The following KIAA0825 variants were observed in gnomAD, a reference collection of about 807,000 sequenced individuals.
KIAA0825 encodes the protein KIAA0825.
Under a neutral mutation model 147.6 loss-of-function variants are expected in KIAA0825, and 119 were observed. The observed-to-expected ratio is 0.81, with a 90% CI of 0.69 to 0.94. The LOEUF is 0.94. Ranked by LOEUF, KIAA0825 falls within the 40% of genes least tolerant of loss-of-function variation. KIAA0825 has a pLI of 0.00. For synonymous variants in KIAA0825, 470 were observed against 518.1 expected (o/e 0.91, Z 1.26); for missense variants, 1,381 against 1,472.7 (o/e 0.94, Z 1.02).
chr5:94,164,217 G>A (rs1251670167), intron 20 of KIAA0825, among the ~76,000 whole-genome samples: 1 of 151,926 alleles, frequency 6.6e-6, no homozygotes, highest in East Asian at 1.9e-4. Flanking sequence ...AAGTTTATAT[G>A]GAACCACAAA....
intron 2 of KIAA0825, chr5:94,568,596 C>G (rs935555175): frequency 1.3e-5 from 2 of 152,398 alleles, no homozygotes; most frequent in African/African-American, 4.8e-5. Flanking sequence ...TTAAAACTCA[C>G]AGCCCTAGGC....
chr5:94,537,505 G>C (rs150704509), intron 2 of KIAA0825, among the ~76,000 whole-genome samples: 4 of 152,094 alleles, frequency 2.6e-5, no homozygotes, highest in African/African-American at 9.7e-5. Flanking sequence ...CAAAAAACTA[G>C]TCAGGCGTGA....
intron 2 of KIAA0825, among the ~76,000 whole-genome samples, chr5:94,557,982 A>T (rs1256222331): frequency 6.6e-6 from 1 of 152,170 alleles, no homozygotes; most frequent in Non-Finnish European, 1.5e-5. Context: ...CTCCTGATCC[A>T]GGGAGGCGCC....
intron 20 of KIAA0825, among the ~76,000 whole-genome samples, chr5:94,334,694 G>A (rs1286648263): frequency 1.3e-5 from 2 of 152,024 alleles, no homozygotes; most frequent in African/African-American, 2.4e-5. Flanking sequence ...ATGTTGGCCC[G>A]GTTGGTATTG....
Position 94,471,700 on chromosome 5 carries a change from G to C in KIAA0825, c.1487C>G (p.Thr496Arg), listed in dbSNP as rs1157981827. The change falls in exon 9 of 21, where the codon ACA (threonine) becomes AGA (arginine). Residue 496 changes from threonine (T) to arginine (R), a missense_variant. Transcript: ENST00000682413. ...GCATGCCAGAGCCAGTGGAAGCATT[G>C]TGTCAAGTTTTTCCATGATGTCAGA... ...FCSDIMEKLD[T>R]MLPLALACRD... The C allele has an allele frequency of 6.4e-7, 1 of 1,552,356 alleles. No individual in the cohort carries two copies.
chr5:94,227,406 G>A (rs571705068), intron 20 of KIAA0825, among the ~76,000 whole-genome samples: 23 of 151,906 alleles, frequency 1.5e-4, no homozygotes, highest in African/African-American at 4.8e-4. Flanking sequence ...GTGGGGTGGG[G>A]GAAGTGGGGA....
chr5:94,234,763 T>C (rs1774948065), intron 20 of KIAA0825, among the ~76,000 whole-genome samples: 1 of 152,184 alleles, frequency 6.6e-6, no homozygotes, highest in Non-Finnish European at 1.5e-5. Flanking sequence ...AAGGAATTCA[T>C]GAGGGATCCA....
intron 20 of KIAA0825, among the ~76,000 whole-genome samples, chr5:94,185,410 T>G (rs1770032175): frequency 6.6e-6 from 1 of 152,242 alleles, no homozygotes; most frequent in Non-Finnish European, 1.5e-5. Flanking sequence ...TATGCATTGA[T>G]TTAAGTGCTT....
In KIAA0825 at chr5:94,481,544, T is replaced by C. The variant is rs144299703; in HGVS notation, c.1132+3225A>G. Among the ~76,000 whole-genome samples the C allele has an allele frequency of 5.6e-3, 852 of 152,156 alleles. 34 individuals carry two copies. Among genetic ancestry groups the C allele is most frequent in the Admixed American group, 0.051 (772 of 15,258 alleles). Reference sequence around the variant, plus strand: ...CAAGAGATAATACCATGAAAAAGTATGAAGAGAAACCCAGGTGGCCACCTT... The same window carrying C: ...CAAGAGATAATACCATGAAAAAGTACGAAGAGAAACCCAGGTGGCCACCTT... On this transcript the variant is annotated intron_variant, in intron 6 of 20. Coordinates refer to ENST00000682413, the MANE Select transcript of KIAA0825 (RefSeq NM_001145678.3).
chr5:94,310,310 C>T (rs146515340), intron 20 of KIAA0825, among the ~76,000 whole-genome samples: 7 of 151,588 alleles, frequency 4.6e-5, no homozygotes, highest in African/African-American at 1.5e-4. Context: ...CTTACTGAAA[C>T]GGGATCAGGC....
At chr5:94,297,932 T>C (rs532142200) in intron 20 of KIAA0825, among the ~76,000 whole-genome samples, 5 of 151,104 alleles carry the variant, frequency 3.3e-5, no homozygotes, top group Admixed American at 2.6e-4. Context: ...TTATTATTGC[T>C]GAAAATATTT....
chr5:94,542,374 A>C (rs557373884), intron 2 of KIAA0825, among the ~76,000 whole-genome samples: 1 of 152,354 alleles, frequency 6.6e-6, no homozygotes, highest in East Asian at 1.9e-4. Flanking sequence ...TATAGCTTTA[A>C]ACAATTGAGT....
At chr5:94,583,540 G>T (rs1782649057) in intron 1 of KIAA0825, among the ~76,000 whole-genome samples, 1 of 152,192 alleles carries the variant, frequency 6.6e-6, no homozygotes. Context: ...ACTGGGTAGA[G>T]CCCACCACAG....
chr5:94,413,182 C>T (rs1022305673), intron 15 of KIAA0825: 3 of 151,950 alleles, frequency 2.0e-5, no homozygotes, highest in Admixed American at 6.6e-5. Flanking sequence ...AACTCTCGAC[C>T]GCAGATGATC....
chr5:94,281,753 T>C (rs919980715), intron 20 of KIAA0825, among the ~76,000 whole-genome samples: 1 of 152,024 alleles, frequency 6.6e-6, no homozygotes, highest in African/African-American at 2.4e-5. Context: ...GAGTGCAAAA[T>C]AGGCCCTGAT....
chr5:94,591,747 T>C (rs1784391087), intron 1 of KIAA0825, among the ~76,000 whole-genome samples: 1 of 152,166 alleles, frequency 6.6e-6, no homozygotes, highest in Admixed American at 6.5e-5. Flanking sequence ...CGAGACTGGG[T>C]AATTTATAAA....
intron 20 of KIAA0825, among the ~76,000 whole-genome samples, chr5:94,206,382 T>C (rs1772202065): frequency 6.6e-6 from 1 of 152,170 alleles, no homozygotes; most frequent in African/African-American, 2.4e-5. Flanking sequence ...TTTGAATACT[T>C]TCTGTGTTTC....
At chr5:94,558,090 C>T (rs1414240345) in intron 2 of KIAA0825, among the ~76,000 whole-genome samples, 4 of 152,280 alleles carry the variant, frequency 2.6e-5, no homozygotes, top group East Asian at 3.9e-4. Context: ...CTTCGTTCCA[C>T]GGTTCTCTTC....
intron 3 of KIAA0825, among the ~76,000 whole-genome samples, chr5:94,528,757 C>T (rs1437342779): frequency 6.6e-6 from 1 of 151,284 alleles, no homozygotes; most frequent in East Asian, 1.9e-4. Context: ...AGTTTAATAC[C>T]CATTACAATC....
Sources: allele counts gnomAD v4.1 joint callset (sites outside exome capture counted in the v4.1 genomes callset), GRCh38; gene constraint gnomAD v4.1.1; transcripts MANE v1.5; gene names NCBI Gene and HGNC (gene_info 2026-07-23, HGNC 2026-07-21).